Variants in ALDH8A1 observed in about 807,000 individuals in gnomAD.
ALDH8A1 encodes the protein aldehyde dehydrogenase 8 family member A1, also known as 2-aminomuconic semialdehyde dehydrogenase.
ALDH8A1 carries 39 observed loss-of-function variants against 43.3 expected under a neutral mutation model. That is an observed-to-expected ratio of 0.90 (90% confidence interval 0.70 to 1.18). The LOEUF is 1.18. Among genes scored for constraint, ALDH8A1 ranks in the 50% most tolerant of loss-of-function variants. The pLI, the probability that ALDH8A1 is intolerant of heterozygous loss-of-function variation, is 0.00. For missense variants in ALDH8A1, 605 were observed against 622.6 expected, an observed-to-expected ratio of 0.97 and a Z score of 0.30; for synonymous variants, 233 against 243.5, an observed-to-expected ratio of 0.96 and a Z score of 0.40.
chr6:134,932,507 ACATCAATCATTCCAC>A (rs1278584183), intron 5 of ALDH8A1, among the ~76,000 whole-genome samples: 2 of 152,220 alleles, frequency 1.3e-5, no homozygotes, highest in African/African-American at 4.8e-5. Context: ...TGGAGCAGCA[ACATCAATCATTCCAC>A]CCATGGCTGG....
chr6:134,924,201 C>T (rs1465292642), intron 6 of ALDH8A1, among the ~76,000 whole-genome samples: 2 of 152,192 alleles, frequency 1.3e-5, no homozygotes, highest in East Asian at 3.9e-4. Context: ...AAGGGTGTCC[C>T]TCCCACCTGT....
At position 134,918,451 on chromosome 6, in the gene ALDH8A1, G is replaced by T; in HGVS notation, c.1428C>A (p.Phe476Leu). The change falls in exon 7 of 7, where the codon TTC (phenylalanine) becomes TTA (leucine). Residue 476 changes from phenylalanine (F) to leucine (L), a missense_variant. Coordinates refer to ENST00000265605, the MANE Select transcript of ALDH8A1 (RefSeq NM_022568.4). ...CGGTGATGGTTTTGATCTCAGTGAA[G>T]AAGTCGTAAGAGTCCTTGGCTCCCT... ...GREGAKDSYDFFTEIKTITVK... is the reference protein window; with the variant it reads ...GREGAKDSYDLFTEIKTITVK... The T allele has an allele frequency of 6.2e-7, 1 of 1,614,196 alleles. No homozygotes were observed. The highest frequency in any genetic ancestry group is 2.2e-5 in the East Asian group (1 of 44,880).
Position 134,932,253 on chromosome 6 carries a change from T to C in ALDH8A1, c.849+523A>G, listed in dbSNP as rs144040498. ...AAAAACTACAGAGCACAGAGAAACA[T>C]CTGTTATGTAATTTCAGGAGCTACA... is the stretch of plus-strand genomic sequence containing the variant. On this transcript the variant is annotated intron_variant, in intron 5 of 6. Coordinates refer to ENST00000265605, the MANE Select transcript of ALDH8A1 (RefSeq NM_022568.4). Among the ~76,000 whole-genome samples, 88 of 152,284 alleles carry C rather than the reference T, an allele frequency of 5.8e-4. 1 individual carries two copies. The highest frequency in any genetic ancestry group is 1.9e-3 in the African/African-American group (81 of 41,558).
chr6:134,945,392 G>T (rs1773933026), intron 1 of ALDH8A1, among the ~76,000 whole-genome samples: 1 of 152,140 alleles, frequency 6.6e-6, no homozygotes, highest in Non-Finnish European at 1.5e-5. Flanking sequence ...GAGATTTGTG[G>T]CTGGACAGAT....
At chr6:134,939,126 AG>A in intron 4 of ALDH8A1, 139 bp downstream of exon 4, 1 of 1,315,514 alleles carries the variant, frequency 7.6e-7, no homozygotes, top group South Asian at 1.4e-5. Flanking sequence ...CTGTGGGTGG[AG>A]GGGATTTCCC....
rs751359207 is a variant in ALDH8A1 at position 134,918,681 on chromosome 6, C to T, written c.1198G>A (p.Val400Ile). Residue 400 changes from valine (V) to isoleucine (I), a missense_variant, in exon 7 of 7, where the codon GTC becomes ATC. Val to Ile is a conservative substitution (Grantham distance 29). Coordinates refer to ENST00000265605, the MANE Select transcript of ALDH8A1 (RefSeq NM_022568.4). ...ACCTCCTCTTCACTATCAAAGGGGA[C>T]GACACACGTCACTGGACCAAATATC... Reference protein sequence around the residue: ...EEIFGPVTCVVPFDSEEEVIE... With the variant: ...EEIFGPVTCVIPFDSEEEVIE... 35 of 1,614,032 alleles carry T rather than the reference C, an allele frequency of 2.2e-5. No homozygotes were observed. The highest frequency in any genetic ancestry group is 1.6e-4 in the Middle Eastern group (1 of 6,084).
intron 3 of ALDH8A1, 131 bp from the exon 4 acceptor site, chr6:134,939,546 A>G (rs1773815384): frequency 4.6e-6 from 5 of 1,096,158 alleles, no homozygotes; most frequent in Non-Finnish European, 6.3e-6. Flanking sequence ...CTTCTTCCCA[A>G]GCTTTGCTTA....
chr6:134,918,539 C>T lies in ALDH8A1; in HGVS notation c.1340G>A (p.Cys447Tyr), dbSNP rs1237450965. Residue 447 changes from cysteine to tyrosine, a missense_variant, in exon 7 of 7, where the codon TGC (cysteine) becomes TAC (tyrosine). Physicochemically the swap from Cys to Tyr is radical, Grantham distance 194 (BLOSUM62 -2). Transcript: ENST00000265605. ...KLQSGLVWTN[C>Y]WLIRELNLPF... ...AAGGTTCAGCTCCCTGATGAGCCAG[C>T]AGTTGGTCCAGACCAAGCCAGACTG... 5 of 1,614,082 alleles carry T rather than the reference C, an allele frequency of 3.1e-6. No homozygotes were observed. Among genetic ancestry groups the T allele is most frequent in the Non-Finnish European group, 4.2e-6 (5 of 1,180,058 alleles).
Position 134,918,754 on chromosome 6 carries a change from G to A in ALDH8A1, c.1125C>T (p.Pro375=), listed in dbSNP as rs774508271. 23 of 1,614,160 alleles carry A rather than the reference G, an allele frequency of 1.4e-5. 1 individual carries two copies. In the South Asian group the frequency reaches 2.5e-4, roughly 18 times the overall value. The change falls in exon 7 of 7, where the codon CCC becomes CCT. Residue 375 remains proline, a synonymous_variant. Transcript: ENST00000265605. ...ARNQAGYFML[P]TVITDIKDES... is the part of the protein sequence containing the mutation. ...CATCCTTAATGTCTGTTATCACCGT[G>A]GGAAGCATAAAGTAGCCTGCCTGGT...
At position 134,918,684 on chromosome 6, in the gene ALDH8A1, C is replaced by G; in HGVS notation, c.1195G>C (p.Val399Leu). The stretch of plus-strand genomic sequence containing the variant: ...TCCTCTTCACTATCAAAGGGGACGA[C>G]ACACGTCACTGGACCAAATATCTCT... ...TEEIFGPVTC[V>L]VPFDSEEEVI... The change falls in exon 7 of 7, where the codon GTC (valine) becomes CTC (leucine). Residue 399 changes from valine (V) to leucine (L), a missense_variant. Physicochemically the swap from Val to Leu is conservative, Grantham distance 32. Coordinates refer to ENST00000265605, the MANE Select transcript of ALDH8A1 (RefSeq NM_022568.4). The G allele has an allele frequency of 6.2e-7, 1 of 1,614,178 alleles. No individual in the cohort carries two copies. Among genetic ancestry groups the G allele is most frequent in the Non-Finnish European group, 8.5e-7 (1 of 1,180,026 alleles).
chr6:134,932,722 GA>G, intron 5 of ALDH8A1, 53 bp downstream of exon 5: 1 of 1,589,158 alleles, frequency 6.3e-7, no homozygotes, highest in East Asian at 2.2e-5. Flanking sequence ...TGATAAAACA[GA>G]TCCAGCTTGA....
intron 4 of ALDH8A1, among the ~76,000 whole-genome samples, chr6:134,933,633 A>C (rs1333220749): frequency 6.6e-6 from 1 of 152,180 alleles, no homozygotes; most frequent in Non-Finnish European, 1.5e-5. Context: ...TGGGTGCCCC[A>C]ATCTTTTCTA....
chr6:134,920,274 A>G (rs1299476125), intron 6 of ALDH8A1, among the ~76,000 whole-genome samples: 1 of 152,198 alleles, frequency 6.6e-6, no homozygotes, highest in African/African-American at 2.4e-5. Context: ...CCCAACATCC[A>G]TAGTGATCTC....
chr6:134,938,309 CA>C (rs1275226272), intron 4 of ALDH8A1, among the ~76,000 whole-genome samples: 3 of 152,238 alleles, frequency 2.0e-5, no homozygotes, highest in Non-Finnish European at 1.5e-5. Context: ...CTGCTGCCTT[CA>C]AACAGTGCCA....
Position 134,918,381 on chromosome 6 carries a change from G to C in ALDH8A1, c.*34C>G. 1.0e-5 allele frequency: 16 copies of C among 1,585,316 alleles called. No individual in the cohort carries two copies. The highest frequency in any genetic ancestry group is 1.4e-5 in the Non-Finnish European group (16 of 1,158,482). On this transcript the variant is annotated 3_prime_UTR_variant, in exon 7 of 7. Transcript: ENST00000265605. ...TTGAACAACTGATGCCTGCAGCCAGGCATTGGCCATAGTGGCTCCACCATT... is the reference window on the plus strand; with the variant it reads ...TTGAACAACTGATGCCTGCAGCCAGCCATTGGCCATAGTGGCTCCACCATT...
At chr6:134,943,183 C>T (rs943805823) in intron 2 of ALDH8A1, among the ~76,000 whole-genome samples, 3 of 152,206 alleles carry the variant, frequency 2.0e-5, no homozygotes, top group African/African-American at 7.2e-5. Context: ...CCAGGAACAC[C>T]AGCAGAGAAC....
At chr6:134,924,091 A>G (rs1023285895) in intron 6 of ALDH8A1, among the ~76,000 whole-genome samples, 1 of 152,238 alleles carries the variant, frequency 6.6e-6, no homozygotes, top group African/African-American at 2.4e-5. Flanking sequence ...GTCTTAGTCC[A>G]GATTCAGATA....
chr6:134,927,522 C>G (rs1776905624), intron 6 of ALDH8A1, among the ~76,000 whole-genome samples: 3 of 152,126 alleles, frequency 2.0e-5, no homozygotes, highest in Admixed American at 2.0e-4. Context: ...TGCATGCACA[C>G]ACACACACAC....
rs780753175 is a variant in ALDH8A1, at chr6:134,939,372, G to C, written c.486C>G (p.Thr162=). 2 of 1,614,178 alleles carry C rather than the reference G, an allele frequency of 1.2e-6. No homozygotes were observed. The highest frequency in any genetic ancestry group is 1.3e-5 in the African/African-American group (1 of 75,052). ...SPWNLPLYLL[T]WKIAPAMAAG... ...CAGCCATCGCTGGAGCTATCTTCCA[G>C]GTCAGCAAGTAGAGTGGCAAATTCC... The change falls in exon 4 of 7, where the codon ACC becomes ACG. Residue 162 remains threonine, a synonymous_variant. Transcript: ENST00000265605.
Sources: allele counts gnomAD v4.1 joint callset (sites outside exome capture counted in the v4.1 genomes callset), GRCh38; gene constraint gnomAD v4.1.1; transcripts MANE v1.5; gene names NCBI Gene and HGNC (gene_info 2026-07-23, HGNC 2026-07-21).